FAM149B1: variants seen among roughly 807,000 people sequenced by gnomAD.
The protein encoded by FAM149B1 is primary cilium assembly protein FAM149B1.
A neutral mutation model predicts 75.3 loss-of-function variants in FAM149B1; 56 were observed. The ratio of observed to expected loss-of-function variants is 0.74; its 90% CI spans 0.60 to 0.93. The LOEUF (loss-of-function observed/expected upper bound fraction) is 0.93, where lower values mean the gene tolerates loss of function less well. Among genes scored for constraint, FAM149B1 ranks in the 40% least tolerant of loss-of-function variants. The probability of loss-of-function intolerance (pLI) is 0.00; values close to 1 mark genes in which losing one functional copy is unlikely to be tolerated. For synonymous variants in FAM149B1, 259 were observed against 256.1 expected, an observed-to-expected ratio of 1.01 and a Z score of -0.11; for missense variants, 639 against 708.4, an observed-to-expected ratio of 0.90 and a Z score of 1.11.
intron 5 of FAM149B1, among the ~76,000 whole-genome samples, chr10:73,194,004 A>G (rs912857494): frequency 2.0e-5 from 3 of 152,062 alleles, no homozygotes; most frequent in South Asian, 2.1e-4. Flanking sequence ...TAATATGCCA[A>G]CTCAGGTTTC....
At chr10:73,193,283 C>T (rs1391330932) in intron 4 of FAM149B1, among the ~76,000 whole-genome samples, 194 bp from the exon 5 acceptor site, 2 of 145,108 alleles carry the variant, frequency 1.4e-5, no homozygotes, top group Non-Finnish European at 3.0e-5. Flanking sequence ...ATAGGTTTAT[C>T]TTTTCCATCT....
chr10:73,194,040 G>A (rs1236397929), intron 5 of FAM149B1, among the ~76,000 whole-genome samples: 1 of 151,996 alleles, frequency 6.6e-6, no homozygotes, highest in Non-Finnish European at 1.5e-5. Flanking sequence ...AAAGCTACCA[G>A]TTCCCCTTCC....
intron 3 of FAM149B1, among the ~76,000 whole-genome samples, chr10:73,188,383 C>G (rs2042584650): frequency 6.6e-6 from 1 of 152,084 alleles, no homozygotes; most frequent in Admixed American, 6.5e-5. Context: ...AATGTATAAT[C>G]AAATCAAGAC....
rs2043946390 is a variant in FAM149B1, at chr10:73,241,282, C to T, written c.*263C>T. 2.3e-6 allele frequency: 1 copy of T among 436,278 alleles called. No individual in the cohort carries two copies. The highest frequency in any genetic ancestry group is 3.5e-5 in the Admixed American group (1 of 28,642). The allele number at this position is 436,278 out of a possible 1,614,324, so 27.0% of individuals were successfully genotyped here. On this transcript the variant is annotated 3_prime_UTR_variant, in exon 14 of 14. Coordinates refer to ENST00000242505, the MANE Select transcript of FAM149B1 (RefSeq NM_173348.2). ...GGCAAGTTTGTACCCAAAGATGCAA[C>T]AGTGAATAATACCCAAATCACTGCT... is the stretch of plus-strand genomic sequence containing the variant.
intron 8 of FAM149B1, among the ~76,000 whole-genome samples, chr10:73,229,680 A>G: frequency 6.6e-6 from 1 of 152,208 alleles, no homozygotes; most frequent in East Asian, 1.9e-4. Flanking sequence ...TGCATGTTGA[A>G]CTGGTGTGGC....
chr10:73,171,067 C>T (rs1843691382), intron 1 of FAM149B1, among the ~76,000 whole-genome samples: 1 of 151,850 alleles, frequency 6.6e-6, no homozygotes, highest in African/African-American at 2.4e-5. Context: ...CTCCTAGGTT[C>T]AAGTGATTCT....
rs1004639886 is a variant in FAM149B1 at position 73,243,920 on chromosome 10, C to A, written c.*2901C>A. ...CTGCTCATTTCTGCTTCTTTGGCCT[C>A]TTCCTGAGCCTGAAACAGGAACTCA... On this transcript the variant is annotated 3_prime_UTR_variant, in exon 14 of 14. Transcript: ENST00000242505. 1 of 1,614,090 alleles carries A rather than the reference C, an allele frequency of 6.2e-7. No individual in the cohort carries two copies. The highest frequency in any genetic ancestry group is 8.5e-7 in the Non-Finnish European group (1 of 1,180,004).
chr10:73,194,914 C>T (rs2042767815), intron 5 of FAM149B1, among the ~76,000 whole-genome samples: 1 of 152,000 alleles, frequency 6.6e-6, no homozygotes, highest in Non-Finnish European at 1.5e-5. Context: ...GAACTCCTGA[C>T]CTCAGGTGAT....
chr10:73,229,872 G>A (rs1421157749), intron 8 of FAM149B1, among the ~76,000 whole-genome samples: 2 of 152,186 alleles, frequency 1.3e-5, no homozygotes, highest in Admixed American at 6.5e-5. Flanking sequence ...GGGCTCTAGG[G>A]GGGCAATGCC....
At chr10:73,175,892 C>T (rs969114370) in intron 2 of FAM149B1, among the ~76,000 whole-genome samples, 6 of 151,912 alleles carry the variant, frequency 3.9e-5, no homozygotes, top group African/African-American at 1.5e-4. Flanking sequence ...AGCAGCAGTC[C>T]CCAACCTTTT....
At chr10:73,191,336 C>CTTTTT (rs1344368813) in intron 3 of FAM149B1, among the ~76,000 whole-genome samples, 1 of 124,070 alleles carries the variant, frequency 8.1e-6, no homozygotes, top group Non-Finnish European at 1.7e-5. Context: ...CCGCCTTGGC[C>CTTTTT]TTTTTTTTTT....
At chr10:73,233,513 TTG>T (rs1182061307) in intron 10 of FAM149B1, among the ~76,000 whole-genome samples, 2 of 152,048 alleles carry the variant, frequency 1.3e-5, no homozygotes, top group African/African-American at 4.8e-5. Flanking sequence ...GGTTAACTTT[TTG>T]TGTTTTTAGT....
chr10:73,200,860 G>A (rs549088962), intron 5 of FAM149B1: 114 of 512,036 alleles, frequency 2.2e-4, no homozygotes, highest in Middle Eastern at 5.5e-4. Flanking sequence ...AAGGTGCAAG[G>A]TGGACTGGCT....
At chr10:73,174,079 G>A (rs1843834882) in intron 1 of FAM149B1, among the ~76,000 whole-genome samples, 1 of 152,064 alleles carries the variant, frequency 6.6e-6, no homozygotes, top group Non-Finnish European at 1.5e-5. Flanking sequence ...CATTTGAGTT[G>A]TTTTCAGTTA....
chr10:73,204,193 C>G (rs1294673277), intron 5 of FAM149B1, among the ~76,000 whole-genome samples: 1 of 152,008 alleles, frequency 6.6e-6, no homozygotes, highest in Non-Finnish European at 1.5e-5. Context: ...GGTGTAATCT[C>G]AGCTCACTGC....
At chr10:73,216,859 C>T (rs939058315) in intron 7 of FAM149B1, among the ~76,000 whole-genome samples, 1 of 152,170 alleles carries the variant, frequency 6.6e-6, no homozygotes, top group African/African-American at 2.4e-5. Flanking sequence ...TAAGTTCTGA[C>T]ATATGTATAC....
At chr10:73,175,737 AAAAC>A (rs548876020) in intron 2 of FAM149B1, among the ~76,000 whole-genome samples, 18 of 152,142 alleles carry the variant, frequency 1.2e-4, no homozygotes, top group African/African-American at 3.6e-4. Flanking sequence ...AAGATTATAA[AAAAC>A]AAACAATAAA....
intron 2 of FAM149B1, 98 bp from the exon 3 acceptor site, chr10:73,177,748 A>ACACATATATTTATTTGTACACATAT: frequency 9.6e-7 from 1 of 1,045,138 alleles, no homozygotes; most frequent in Non-Finnish European, 1.4e-6. Context: ...TACACATGTT[A>ACACATATATTTATTTGTACACATAT]ATCACCTAGT....
In FAM149B1 at chr10:73,232,937, A is replaced by G. The variant is rs1156661406; in HGVS notation, c.1128-2A>G. 1.2e-5 allele frequency: 19 copies of G among 1,530,650 alleles called. No individual in the cohort carries two copies. The highest frequency in any genetic ancestry group is 1.5e-5 in the Non-Finnish European group (17 of 1,127,568). The allele number at this position is 1,530,650 out of a possible 1,614,324, so 94.8% of individuals were successfully genotyped here. Reference sequence around the variant, plus strand: ...ATTGTGGGTTTCTGATTTGGCTACTAGAGATCTTGATGACAAGCTACTTAT... The same window carrying G: ...ATTGTGGGTTTCTGATTTGGCTACTGGAGATCTTGATGACAAGCTACTTAT... On this transcript the variant is annotated splice_acceptor_variant, in intron 9 of 13. Coordinates refer to ENST00000242505, the MANE Select transcript of FAM149B1 (RefSeq NM_173348.2). LOFTEE classifies it high-confidence loss of function.
Sources: allele counts gnomAD v4.1 joint callset (sites outside exome capture counted in the v4.1 genomes callset), GRCh38; gene constraint gnomAD v4.1.1; transcripts MANE v1.5; gene names NCBI Gene and HGNC (gene_info 2026-07-23, HGNC 2026-07-21).